Variants in IRAK3 observed in about 807,000 individuals in gnomAD.
IRAK3 encodes the protein interleukin 1 receptor associated kinase 3, also known as interleukin-1 receptor-associated kinase 3.
IRAK3 carries 57 observed loss-of-function variants against 56.6 expected under a neutral mutation model. That is an observed-to-expected ratio of 1.01 (90% confidence interval 0.81 to 1.26). The LOEUF (loss-of-function observed/expected upper bound fraction) is 1.26, where lower values mean the gene tolerates loss of function less well. Among genes scored for constraint, IRAK3 ranks in the 50% most tolerant of loss-of-function variants. The probability of loss-of-function intolerance (pLI) is 0.00; values close to 1 mark genes in which losing one functional copy is unlikely to be tolerated. For synonymous variants in IRAK3, 258 were observed against 255.7 expected, an observed-to-expected ratio of 1.01 and a Z score of -0.09; for missense variants, 703 against 719.0, an observed-to-expected ratio of 0.98 and a Z score of 0.25.
At chr12:66,234,104 T>C in intron 8 of IRAK3, 1 of 1,614,106 alleles carries the variant, frequency 6.2e-7, no homozygotes, top group African/African-American at 1.3e-5. Context: ...ATATGGAGAA[T>C]GGTCATTAGA....
At chr12:66,198,379 T>C (rs1301894646) in intron 1 of IRAK3, among the ~76,000 whole-genome samples, 3 of 152,256 alleles carry the variant, frequency 2.0e-5, no homozygotes, top group South Asian at 4.1e-4. Flanking sequence ...TGGCCTTCCC[T>C]CTGCCCTCTT....
In IRAK3 at chr12:66,244,632, A is replaced by G. The variant is rs199652305; in HGVS notation, c.1034A>G (p.Tyr345Cys). Residue 345 changes from tyrosine to cysteine, a missense_variant, in exon 9 of 12, where the codon TAC (tyrosine) becomes TGC (cysteine). Coordinates refer to ENST00000261233, the MANE Select transcript of IRAK3 (RefSeq NM_007199.3). ...SKHLWYMPEE[Y>C]IRQGKLSIKT... ...CATCTGTGGTACATGCCAGAAGAGT[A>G]CATCAGACAGGGGAAACTTTCCATT... is the stretch of plus-strand genomic sequence containing the variant. 99 of 1,613,998 alleles carry G rather than the reference A, an allele frequency of 6.1e-5. No individual in the cohort carries two copies. Among genetic ancestry groups the G allele is most frequent in the Non-Finnish European group, 7.8e-5 (92 of 1,179,980 alleles).
At position 66,244,507 on chromosome 12, in the gene IRAK3, TC is replaced by T; in HGVS notation, c.910del (p.Gln304SerfsTer6). 6.2e-7 allele frequency: 1 copy of T among 1,614,098 alleles called. No individual in the cohort carries two copies. On this transcript the variant is annotated frameshift_variant, in exon 9 of 12. Transcript: ENST00000261233. LOFTEE classifies it high-confidence loss of function. ...TTAGTGCAAACATCCTTTTGGATGA[TC>T]AGTTTCAACCCAAACTAACTGATTT... The part of the protein sequence containing the change: ...ISSANILLDD[Q>X]FQPKLTDFAM...
chr12:66,230,267 C>T (rs867495766), intron 8 of IRAK3, among the ~76,000 whole-genome samples: 2 of 152,100 alleles, frequency 1.3e-5, no homozygotes, highest in South Asian at 2.1e-4. Context: ...TCAGGTAGGT[C>T]CAGGAAGTGG....
intron 11 of IRAK3, 34 bp downstream of exon 11, chr12:66,245,296 C>A (rs770943925): frequency 6.2e-7 from 1 of 1,603,850 alleles, no homozygotes; most frequent in Non-Finnish European, 8.5e-7. Flanking sequence ...CAAAACTGAG[C>A]CCACAGAACC....
intron 2 of IRAK3, among the ~76,000 whole-genome samples, chr12:66,204,777 C>CGCGT (rs1267464044): frequency 2.2e-5 from 2 of 90,964 alleles, no homozygotes; most frequent in African/African-American, 9.3e-5. Flanking sequence ...TGAGCCCTTG[C>CGCGT]GCACACACAC....
At chr12:66,201,877 G>A (rs1411069360) in intron 1 of IRAK3, among the ~76,000 whole-genome samples, 1 of 152,154 alleles carries the variant, frequency 6.6e-6, no homozygotes, top group African/African-American at 2.4e-5. Context: ...TATTACGAAT[G>A]AATAATAACC....
intron 11 of IRAK3, among the ~76,000 whole-genome samples, chr12:66,247,340 G>C (rs1446637349): frequency 6.6e-6 from 1 of 152,120 alleles, no homozygotes. Flanking sequence ...AGAATTACAG[G>C]TTGGGCCCAC....
At chr12:66,235,048 A>C in intron 8 of IRAK3, 3 of 1,613,294 alleles carry the variant, frequency 1.9e-6, no homozygotes, top group Non-Finnish European at 2.5e-6. Flanking sequence ...CATATGGTTG[A>C]CAGAGCTTCA....
Position 66,204,415 on chromosome 12 carries a change from C to G in IRAK3, c.316+522C>G, listed in dbSNP as rs11465948. ...TGTTTTTACACCACAGCGTTTAACC[C>G]TGCCTTACTTGTTACTACCCATTCC... On this transcript the variant is annotated intron_variant, in intron 2 of 11. Coordinates refer to ENST00000261233, the MANE Select transcript of IRAK3 (RefSeq NM_007199.3). Among the ~76,000 whole-genome samples, 1,158 of 152,264 alleles carry G rather than the reference C, an allele frequency of 7.6e-3. 21 individuals are homozygous for G. The highest frequency in any genetic ancestry group is 0.026 in the African/African-American group (1,079 of 41,552).
At chr12:66,222,590 TG>T (rs1175594586) in intron 6 of IRAK3, among the ~76,000 whole-genome samples, 1 of 152,130 alleles carries the variant, frequency 6.6e-6, no homozygotes, top group Non-Finnish European at 1.5e-5. Flanking sequence ...TCAATTTTTC[TG>T]AGAGATATTA....
intron 8 of IRAK3, among the ~76,000 whole-genome samples, chr12:66,229,272 T>G (rs1331044450): frequency 1.3e-5 from 2 of 152,196 alleles, no homozygotes; most frequent in Non-Finnish European, 2.9e-5. Context: ...ATCTCCCACA[T>G]TTCTTCTTCT....
At chr12:66,246,772 A>AT (rs995248452) in intron 11 of IRAK3, among the ~76,000 whole-genome samples, 28 of 152,078 alleles carry the variant, frequency 1.8e-4, no homozygotes, top group African/African-American at 6.5e-4. Flanking sequence ...CTCTATATGT[A>AT]TTTTTTTAAT....
chr12:66,191,885 G>C (rs916607914), intron 1 of IRAK3, among the ~76,000 whole-genome samples: 1 of 152,176 alleles, frequency 6.6e-6, no homozygotes, highest in Non-Finnish European at 1.5e-5. Context: ...AAGCTCTCTC[G>C]AGCCGATCGT....
intron 8 of IRAK3, chr12:66,234,916 A>T (rs953340607): frequency 3.1e-6 from 5 of 1,613,982 alleles, no homozygotes; most frequent in South Asian, 1.1e-5. Flanking sequence ...CTTGAACCCC[A>T]CTGGCCTTCA....
chr12:66,193,468 C>T (rs1565796985), intron 1 of IRAK3, among the ~76,000 whole-genome samples: 1 of 152,164 alleles, frequency 6.6e-6, no homozygotes, highest in African/African-American at 2.4e-5. Flanking sequence ...ACAATATTGA[C>T]ACATTATTAT....
intron 8 of IRAK3, chr12:66,235,293 C>T: frequency 2.3e-6 from 3 of 1,290,656 alleles, no homozygotes; most frequent in Admixed American, 4.5e-5. Context: ...ATCATCGCTG[C>T]GGGCCGCGGC....
intron 2 of IRAK3, among the ~76,000 whole-genome samples, chr12:66,207,940 A>C (rs533087654): frequency 6.6e-6 from 1 of 152,196 alleles, no homozygotes; most frequent in Non-Finnish European, 1.5e-5. Context: ...TAATTGCCTA[A>C]GGTCAGGTCT....
chr12:66,221,805 G>C (rs1451578886), intron 6 of IRAK3, among the ~76,000 whole-genome samples: 2 of 152,098 alleles, frequency 1.3e-5, no homozygotes, highest in Non-Finnish European at 2.9e-5. Flanking sequence ...CAGGAAGGTG[G>C]GTCACCTGAG....
Sources: gnomAD v4.1 joint callset for allele counts (sites outside exome capture counted in the v4.1 genomes callset) on GRCh38, gnomAD v4.1.1 for gene constraint, MANE v1.5 for transcripts, NCBI Gene and HGNC (gene_info 2026-07-23, HGNC 2026-07-21) for gene names.